FBN3: variants seen among roughly 807,000 people sequenced by gnomAD.
The protein encoded by FBN3 is fibrillin 3, also known as fibrillin-3.
A neutral mutation model predicts 330.1 loss-of-function variants in FBN3; 234 were observed. The observed-to-expected ratio is 0.71, with a 90% CI of 0.64 to 0.79. The LOEUF (loss-of-function observed/expected upper bound fraction) is 0.79, where lower values mean the gene tolerates loss of function less well. FBN3 is among the 30% of genes least tolerant of loss of function. The probability of loss-of-function intolerance (pLI) is 0.00; values close to 1 mark genes in which losing one functional copy is unlikely to be tolerated. For missense variants in FBN3, 3,606 were observed against 3,886.9 expected, an observed-to-expected ratio of 0.93 and a Z score of 1.92; for synonymous variants, 1,458 against 1,517.3, an observed-to-expected ratio of 0.96 and a Z score of 0.91.
In FBN3 at chr19:8,131,948, T is replaced by C; in HGVS notation, c.1715-119A>G. 3 of 1,222,504 alleles carry C rather than the reference T, an allele frequency of 2.5e-6. No individual in the cohort carries two copies. Among genetic ancestry groups the C allele is most frequent in the African/African-American group, 1.6e-5 (1 of 64,324 alleles). The allele number at this position is 1,222,504 out of a possible 1,614,324, so 75.7% of individuals were successfully genotyped here. ...TCTATTTCTTTCCTTTCCAGTTTCT[T>C]GTCTTTCCAGTTTCCTGTTGTCTGT... On this transcript the variant is annotated intron_variant, in intron 14 of 63. Coordinates refer to ENST00000600128, the MANE Select transcript of FBN3 (RefSeq NM_032447.5). The surrounding 1 kb of genome is among the most constrained non-coding windows in gnomAD (Gnocchi z 4.5).
chr19:8,113,268 C>T (rs1333942311), intron 30 of FBN3, among the ~76,000 whole-genome samples: 2 of 151,568 alleles, frequency 1.3e-5, no homozygotes, highest in South Asian at 4.1e-4. Flanking sequence ...TCTACAAAAA[C>T]ACTTTTTTTT....
At chr19:8,092,335 C>T (rs1404235643) in intron 47 of FBN3, among the ~76,000 whole-genome samples, 2 of 151,936 alleles carry the variant, frequency 1.3e-5, no homozygotes, top group African/African-American at 4.8e-5. Flanking sequence ...AAATCTGGAG[C>T]CATCATATTT....
chr19:8,143,983 T>G (rs7252264), intron 6 of FBN3, among the ~76,000 whole-genome samples: 46,900 of 151,644 alleles, frequency 0.31, 7,980 homozygotes, highest in South Asian at 0.48. Flanking sequence ...ATTTTTTACT[T>G]TTTTTAGAGA....
chr19:8,135,935 T>TGGGGGGGGGGGGGC, intron 13 of FBN3, 26 bp downstream of exon 13: 2 of 1,344,156 alleles, frequency 1.5e-6, no homozygotes, highest in Non-Finnish European at 2.0e-6. Context: ...CGGAAGCCCC[T>TGGGGGGGGGGGGGC]GCCCACCCGC....
chr19:8,097,258 C>T, intron 42 of FBN3, 31 bp downstream of exon 42: 1 of 1,588,902 alleles, frequency 6.3e-7, no homozygotes, highest in Non-Finnish European at 8.6e-7. Context: ...CCCACCCAGG[C>T]CCCAGGGCTG....
rs750490410 is a variant in FBN3 at position 8,081,086 on chromosome 19, C to G, written c.7370G>C (p.Cys2457Ser). ...CACAGTGTTGACACAGAGGAACTGA[C>G]AGTTGTGCTGCCGGGAGGTGCATTC... ...LDECTSRQHN[C>S]QFLCVNTVGA... Residue 2457 changes from cysteine (C) to serine (S), a missense_variant, in exon 59 of 64, where the codon TGT (cysteine) becomes TCT (serine). Coordinates refer to ENST00000600128, the MANE Select transcript of FBN3 (RefSeq NM_032447.5). 2 of 1,613,826 alleles carry G rather than the reference C, an allele frequency of 1.2e-6. No homozygotes were observed. Among genetic ancestry groups the G allele is most frequent in the Admixed American group, 3.3e-5 (2 of 60,016 alleles).
Position 8,131,132 on chromosome 19 carries a change from T to C in FBN3, c.2044+103A>G, listed in dbSNP as rs1280206078. On this transcript the variant is annotated intron_variant, in intron 16 of 63. Coordinates refer to ENST00000600128, the MANE Select transcript of FBN3 (RefSeq NM_032447.5). This position sits in a 1 kb window ranked among gnomAD's most constrained non-coding sequence, Gnocchi z 4.5. ...AAGCCGTCTGGTCTGGGGCACTTTGTTACGGGAACCCCGGGCCAACTCCTA... is the reference window on the plus strand; with the variant it reads ...AAGCCGTCTGGTCTGGGGCACTTTGCTACGGGAACCCCGGGCCAACTCCTA... 369 of 1,110,832 alleles carry C rather than the reference T, an allele frequency of 3.3e-4. No homozygotes were observed. Among genetic ancestry groups the C allele is most frequent in the Non-Finnish European group, 3.5e-5 (27 of 768,912 alleles). 68.8% of individuals were successfully genotyped at this position (1,110,832 alleles called of 1,614,324 possible). A position where few individuals can be genotyped will look rare whatever the true frequency, so the allele number is the denominator to read the frequency against.
rs754222930 is a variant in FBN3, at chr19:8,147,172, C to A, written c.182G>T (p.Gly61Val). The A allele has an allele frequency of 6.4e-7, 1 of 1,570,022 alleles. No homozygotes were observed. Among genetic ancestry groups the A allele is most frequent in the Non-Finnish European group, 8.6e-7 (1 of 1,158,426 alleles). Residue 61 changes from glycine (G) to valine (V), a missense_variant, in exon 3 of 64, where the codon GGC (glycine) becomes GTC (valine). Transcript: ENST00000600128. The stretch of plus-strand genomic sequence containing the variant: ...ACAGCAGTAGGCATGGAACCGGGAG[C>A]CGCACACATTCGGCCTTCGGGGACA... ...PGILQGPNVC[G>V]SRFHAYCCPG...
intron 25 of FBN3, among the ~76,000 whole-genome samples, chr19:8,120,618 A>G (rs2082824133): frequency 6.6e-6 from 1 of 151,812 alleles, no homozygotes; most frequent in Non-Finnish European, 1.5e-5. Context: ...CCTCCCGAGT[A>G]GCACGCGCCA....
chr19:8,108,204 G>A lies in FBN3; in HGVS notation c.4653C>T (p.Gly1551=), dbSNP rs1423718270. ...TGACAGTGATGCGGTTAGGCTGGAA[G>A]CCCTCACCACCCGGGCACAGGGTTC... ...EYRTLCPGGE[G]FQPNRITVIL... is the part of the protein sequence containing the mutation. The change falls in exon 37 of 64, where the codon GGC becomes GGT. Residue 1551 remains glycine, a synonymous_variant. Coordinates refer to ENST00000600128, the MANE Select transcript of FBN3 (RefSeq NM_032447.5). 2 of 1,612,942 alleles carry A rather than the reference G, an allele frequency of 1.2e-6. No individual in the cohort carries two copies. The highest frequency in any genetic ancestry group is 2.7e-5 in the African/African-American group (2 of 74,842).
At position 8,129,430 on chromosome 19, in the gene FBN3, T is replaced by G. The variant is rs1016627318; in HGVS notation, c.2045-65A>C. 2 of 1,591,460 alleles carry G rather than the reference T, an allele frequency of 1.3e-6. No homozygotes were observed. Among genetic ancestry groups the G allele is most frequent in the African/African-American group, 2.7e-5 (2 of 74,514 alleles). On this transcript the variant is annotated intron_variant, in intron 16 of 63. Coordinates refer to ENST00000600128, the MANE Select transcript of FBN3 (RefSeq NM_032447.5). This position sits in a 1 kb window ranked among gnomAD's most constrained non-coding sequence, Gnocchi z 4.5. ...GGGTGTGTCCGAGGCAGGAGGAGGG[T>G]GTGTCGCGGCGCACCAGGGGTCTCT...
In FBN3 at chr19:8,072,966, CGTGTGTGTGTGTGTGT is replaced by C. The variant is rs60155490; in HGVS notation, c.7937+81_7937+96del. 155 of 645,082 alleles carry C rather than the reference CGTGTGTGTGTGTGTGT, an allele frequency of 2.4e-4. No homozygotes were observed. In the African/African-American group the frequency reaches 2.7e-3, roughly 11 times the overall value. 40.0% of individuals were successfully genotyped at this position (645,082 alleles called of 1,614,324 possible). A position where few individuals can be genotyped will look rare whatever the true frequency, so the allele number is the denominator to read the frequency against. ...TAAATTCTTGGCATGCACAAAGCCC[CGTGTGTGTGTGTGTGT>C]GTGTGTGTGTGTGTGTGTGTGCGTG... On this transcript the variant is annotated intron_variant, in intron 62 of 63. Coordinates refer to ENST00000600128, the MANE Select transcript of FBN3 (RefSeq NM_032447.5).
intron 13 of FBN3, 25 bp downstream of exon 13, chr19:8,135,936 G>GTCCCCCC: frequency 2.7e-5 from 18 of 668,778 alleles, no homozygotes; most frequent in South Asian, 8.1e-5. Context: ...GGAAGCCCCT[G>GTCCCCCC]CCCACCCGCC....
Position 8,131,195 on chromosome 19 carries a change from G to A in FBN3, c.2044+40C>T. The stretch of plus-strand genomic sequence containing the variant: ...ACAGCTCTCCCCACATCTGGTAGGG[G>A]CAGGCTGGCTGCTGTTTGGAGGGGC... On this transcript the variant is annotated intron_variant, in intron 16 of 63. Coordinates refer to ENST00000600128, the MANE Select transcript of FBN3 (RefSeq NM_032447.5). The surrounding 1 kb of genome is among the most constrained non-coding windows in gnomAD (Gnocchi z 4.5). 6.3e-7 allele frequency: 1 copy of A among 1,586,002 alleles called. No individual in the cohort carries two copies. The highest frequency in any genetic ancestry group is 8.6e-7 in the Non-Finnish European group (1 of 1,165,706).
chr19:8,091,134 A>C (rs917449551), intron 48 of FBN3, among the ~76,000 whole-genome samples: 1 of 152,202 alleles, frequency 6.6e-6, no homozygotes, highest in African/African-American at 2.4e-5. Flanking sequence ...AGGCTAGCCC[A>C]GCTGAAACGG....
rs757939651 is a variant in FBN3 at position 8,126,479 on chromosome 19, C to A, written c.2543G>T (p.Arg848Leu). The change falls in exon 20 of 64, where the codon CGC becomes CTC. Residue 848 changes from arginine to leucine, a missense_variant. Coordinates refer to ENST00000600128, the MANE Select transcript of FBN3 (RefSeq NM_032447.5). ...AAGGAGGATACTACCGATCTCGCAG[C>A]GTTCGCAGGGGCTCCCCCAGGCTGC... ...LGAAWGSPCERCEIDPACARG... is the reference protein window; with the variant it reads ...LGAAWGSPCELCEIDPACARG... The A allele has an allele frequency of 2.5e-6, 4 of 1,612,458 alleles. No homozygotes were observed. The highest frequency in any genetic ancestry group is 2.2e-5 in the East Asian group (1 of 44,670).
In FBN3 at chr19:8,072,184, C is replaced by CCCT. The variant is rs749428861; in HGVS notation, c.7951_7952insAGG (p.Ser2650_Gly2651insGlu). 1.9e-6 allele frequency: 3 copies of CCCT among 1,554,024 alleles called. No homozygotes were observed. Among genetic ancestry groups the CCCT allele is most frequent in the South Asian group, 2.4e-5 (2 of 83,014 alleles). ...CTGGGGTCCGGGGCTGAAGCCCAGGCCGGAGACACAGTGCCTGGGCCAGGA... is the reference window on the plus strand; with the variant it reads ...CTGGGGTCCGGGGCTGAAGCCCAGGCCCTCGGAGACACAGTGCCTGGGCCAGGA... On this transcript the variant is annotated inframe_insertion, in exon 63 of 64. Transcript: ENST00000600128.
At position 8,136,026 on chromosome 19, in the gene FBN3, T is replaced by C. The variant is rs992362631; in HGVS notation, c.1526A>G (p.Glu509Gly). 2 of 1,509,968 alleles carry C rather than the reference T, an allele frequency of 1.3e-6. No homozygotes were observed. Among genetic ancestry groups the C allele is most frequent in the Admixed American group, 3.7e-5 (2 of 54,300 alleles). The allele number at this position is 1,509,968 out of a possible 1,614,324, so 93.5% of individuals were successfully genotyped here. Residue 509 changes from glutamate to glycine, a missense_variant, in exon 13 of 64, where the codon GAG becomes GGG. Physicochemically the swap from Glu to Gly is moderately conservative, Grantham distance 98. Coordinates refer to ENST00000600128, the MANE Select transcript of FBN3 (RefSeq NM_032447.5). ...ATTGCAGACACACTGGAAGCTGCCC[T>C]CTGTGTTGACACAGCGGCCCAGGTG... ...LCHLGRCVNTEGSFQCVCNAG... is the reference protein window; with the variant it reads ...LCHLGRCVNTGGSFQCVCNAG...
chr19:8,108,296 CAG>C (rs949267347), intron 36 of FBN3, 58 bp from the exon 37 acceptor site: 13 of 1,402,594 alleles, frequency 9.3e-6, no homozygotes, highest in Middle Eastern at 3.6e-4. Flanking sequence ...TTAGGGGAAA[CAG>C]GGGAGCAACA....
Sources: allele counts gnomAD v4.1 joint callset (sites outside exome capture counted in the v4.1 genomes callset), GRCh38; gene constraint gnomAD v4.1.1; non-coding constraint Gnocchi (gnomAD v3.1); transcripts MANE v1.5; gene names NCBI Gene and HGNC (gene_info 2026-07-23, HGNC 2026-07-21).